Variants in PIK3R4 observed in about 807,000 individuals in gnomAD.
The protein encoded by PIK3R4 is phosphoinositide-3-kinase regulatory subunit 4.
A neutral mutation model predicts 136.5 loss-of-function variants in PIK3R4; 46 were observed. The ratio of observed to expected loss-of-function variants is 0.34; its 90% CI spans 0.27 to 0.43. The LOEUF (loss-of-function observed/expected upper bound fraction) is 0.43, where lower values mean the gene tolerates loss of function less well. Ranked by LOEUF, PIK3R4 falls within the 20% of genes least tolerant of loss-of-function variation. PIK3R4 has a pLI of 1.00. For missense variants in PIK3R4, 1,331 were observed against 1,649.5 expected, an observed-to-expected ratio of 0.81 and a Z score of 3.35; for synonymous variants, 557 against 566.7, an observed-to-expected ratio of 0.98 and a Z score of 0.24.
At chr3:130,727,476 G>C (rs1304978723) in intron 6 of PIK3R4, among the ~76,000 whole-genome samples, 2 of 152,206 alleles carry the variant, frequency 1.3e-5, no homozygotes, top group Non-Finnish European at 2.9e-5. Context: ...GCCCGCCTCG[G>C]CCTCCCAAAG....
intron 13 of PIK3R4, among the ~76,000 whole-genome samples, chr3:130,701,946 A>G (rs2066576949): frequency 6.6e-6 from 1 of 152,000 alleles, no homozygotes; most frequent in Non-Finnish European, 1.5e-5. Context: ...AGCCTGGGCA[A>G]TGTGGCGAGA....
At chr3:130,726,883 G>A (rs1236105138) in intron 6 of PIK3R4, among the ~76,000 whole-genome samples, 1 of 151,948 alleles carries the variant, frequency 6.6e-6, no homozygotes, top group Non-Finnish European at 1.5e-5. Context: ...AAGAAGAAGA[G>A]AGCAAGCAAG....
chr3:130,733,515 T>C, intron 4 of PIK3R4, 33 bp downstream of exon 4: 1 of 1,401,126 alleles, frequency 7.1e-7, no homozygotes, highest in Non-Finnish European at 1.0e-6. Context: ...AAAAAATATC[T>C]AAGTGGCTAA....
At chr3:130,724,308 A>G (rs539688347) in intron 6 of PIK3R4, among the ~76,000 whole-genome samples, 15 of 152,172 alleles carry the variant, frequency 9.9e-5, no homozygotes, top group Non-Finnish European at 2.1e-4. Flanking sequence ...AAATTAAAAT[A>G]AATAGTGTAT....
intron 2 of PIK3R4, among the ~76,000 whole-genome samples, chr3:130,736,405 T>A (rs147438654): frequency 6.6e-6 from 1 of 151,814 alleles, no homozygotes; most frequent in African/African-American, 2.4e-5. Flanking sequence ...CCCGTCTCTA[T>A]CAAAAATACA....
At chr3:130,743,886 T>C (rs2066838508) in intron 2 of PIK3R4, among the ~76,000 whole-genome samples, 1 of 152,218 alleles carries the variant, frequency 6.6e-6, no homozygotes, top group African/African-American at 2.4e-5. Flanking sequence ...CACACTGTGT[T>C]CCAGAAAACA....
chr3:130,743,094 G>A (rs1390663971), intron 2 of PIK3R4, among the ~76,000 whole-genome samples: 3 of 152,016 alleles, frequency 2.0e-5, no homozygotes, highest in Non-Finnish European at 4.4e-5. Flanking sequence ...CTCTATCCCA[G>A]ATTTCTATGC....
intron 4 of PIK3R4, among the ~76,000 whole-genome samples, chr3:130,731,283 T>C (rs1475685307): frequency 6.6e-6 from 1 of 152,214 alleles, no homozygotes; most frequent in African/African-American, 2.4e-5. Context: ...AAAGTTTAAC[T>C]ACCTTAAACT....
At chr3:130,695,666 C>T (rs997762168) in intron 13 of PIK3R4, among the ~76,000 whole-genome samples, 1 of 152,114 alleles carries the variant, frequency 6.6e-6, no homozygotes, top group African/African-American at 2.4e-5. Flanking sequence ...ACTCTATTCA[C>T]ATAACTTTTA....
intron 13 of PIK3R4, among the ~76,000 whole-genome samples, chr3:130,695,494 C>G (rs909221383): frequency 6.6e-6 from 1 of 152,148 alleles, no homozygotes; most frequent in African/African-American, 2.4e-5. Flanking sequence ...AAATCTCACA[C>G]TGTCCTGTTC....
In PIK3R4 at chr3:130,686,251, A is replaced by G. The variant is rs748877834; in HGVS notation, c.3435T>C (p.Thr1145=). 1.2e-6 allele frequency: 2 copies of G among 1,613,340 alleles called. No homozygotes were observed. The highest frequency in any genetic ancestry group is 1.3e-5 in the African/African-American group (1 of 74,896). ...LKHDLKSGLI[T]SFAVDIHQCW... The stretch of plus-strand genomic sequence containing the variant: ...ATTGGTGGATGTCCACAGCAAAGGA[A>G]GTGATGAGGCCCGACTTTAAATCAT... Residue 1145 remains threonine, a synonymous_variant, in exon 15 of 20, where the codon ACT becomes ACC. Transcript: ENST00000356763.
rs2066437886 is a variant in PIK3R4 at position 130,679,175 on chromosome 3, T to C, written c.*140A>G. On this transcript the variant is annotated 3_prime_UTR_variant, in exon 20 of 20. Transcript: ENST00000356763. The stretch of plus-strand genomic sequence containing the variant: ...TACATCTTAACCATTTTGGGTGTCA[T>C]TTAGTCAGTCAGTCATGAAACAGTA... 2.2e-6 allele frequency: 1 copy of C among 464,668 alleles called. No homozygotes were observed. The highest frequency in any genetic ancestry group is 2.0e-5 in the African/African-American group (1 of 49,900). 28.8% of individuals were successfully genotyped at this position (464,668 alleles called of 1,614,324 possible).
rs79644157 is a variant in PIK3R4, at chr3:130,703,058, C to T, written c.3098+665G>A. Reference sequence around the variant, plus strand: ...GTCTTCTAACTGCTTCTGCCCTGCTCCTCTTCAGTCTATTCTCAACATAAC... The same window carrying T: ...GTCTTCTAACTGCTTCTGCCCTGCTTCTCTTCAGTCTATTCTCAACATAAC... On this transcript the variant is annotated intron_variant, in intron 13 of 19. Transcript: ENST00000356763. Among the ~76,000 whole-genome samples, 1,283 of 152,300 alleles carry T rather than the reference C, an allele frequency of 8.4e-3. 19 individuals are homozygous for T. The highest frequency in any genetic ancestry group is 0.052 in the East Asian group (272 of 5,192).
intron 6 of PIK3R4, among the ~76,000 whole-genome samples, chr3:130,726,785 T>G (rs2066734284): frequency 6.6e-6 from 1 of 151,962 alleles, no homozygotes; most frequent in East Asian, 1.9e-4. Flanking sequence ...AATATGTGTT[T>G]CAAAGAACAC....
chr3:130,733,763 T>G lies in PIK3R4; in HGVS notation c.1235A>C (p.Glu412Ala), dbSNP rs1205662533. Residue 412 changes from glutamate (E) to alanine (A), a missense_variant, in exon 4 of 20, where the codon GAA becomes GCA. Around this residue, in one of 2 missense-constraint regions of PIK3R4, gnomAD observed 1,180 missense variants for 1,407.0 expected, o/e 0.84. Coordinates refer to ENST00000356763, the MANE Select transcript of PIK3R4 (RefSeq NM_014602.3). ...ILHLAPRLSVEILLDRITPYL... is the reference protein window; with the variant it reads ...ILHLAPRLSVAILLDRITPYL... ...TGGAGTAATACGATCCAAAAGGATT[T>G]CAACACTTAATCTTGGAGCCAAATG... 5.6e-6 allele frequency: 9 copies of G among 1,614,172 alleles called. No individual in the cohort carries two copies. The highest frequency in any genetic ancestry group is 1.6e-4 in the Middle Eastern group (1 of 6,062).
intron 9 of PIK3R4, among the ~76,000 whole-genome samples, chr3:130,709,951 T>C (rs924492705): frequency 2.0e-5 from 3 of 152,162 alleles, no homozygotes; most frequent in Admixed American, 6.5e-5. Context: ...GTGGTGATGT[T>C]TGCACAACTC....
chr3:130,706,721 T>C (rs957727547), intron 11 of PIK3R4, among the ~76,000 whole-genome samples: 3 of 152,194 alleles, frequency 2.0e-5, no homozygotes, highest in Admixed American at 6.5e-5. Context: ...CTCAGATCAC[T>C]GTATTGCCAA....
intron 9 of PIK3R4, among the ~76,000 whole-genome samples, chr3:130,710,816 G>A (rs775613897): frequency 1.6e-4 from 25 of 151,838 alleles, no homozygotes; most frequent in Non-Finnish European, 3.5e-4. Context: ...ATAATCAAAA[G>A]TGACAAGCTG....
At position 130,733,720 on chromosome 3, in the gene PIK3R4, G is replaced by A; in HGVS notation, c.1278C>T (p.Ser426=). Residue 426 remains serine, a synonymous_variant, in exon 4 of 20, where the codon AGC becomes AGT. Transcript: ENST00000356763. ...CCCTCACCCTAGGAACAGAGTCATT[G>A]CTGAAATGCAAAAGATATGGAGTAA... ...DRITPYLLHF[S]NDSVPRVRAE... 1 of 1,614,150 alleles carries A rather than the reference G, an allele frequency of 6.2e-7. No individual in the cohort carries two copies. Among genetic ancestry groups the A allele is most frequent in the Non-Finnish European group, 8.5e-7 (1 of 1,180,004 alleles).
Sources: allele counts gnomAD v4.1 joint callset (sites outside exome capture counted in the v4.1 genomes callset), GRCh38; gene constraint gnomAD v4.1.1; regional missense constraint gnomAD v4.1.1; transcripts MANE v1.5; gene names NCBI Gene and HGNC (gene_info 2026-07-23, HGNC 2026-07-21).